The following REC114 variants were observed in gnomAD, a reference collection of about 807,000 sequenced individuals.
REC114 encodes the protein meiotic recombination protein REC114.
A neutral mutation model predicts 31.3 loss-of-function variants in REC114; 27 were observed. The ratio of observed to expected loss-of-function variants is 0.86; its 90% CI spans 0.64 to 1.19. The LOEUF (loss-of-function observed/expected upper bound fraction) is 1.19. REC114 is among the 50% of genes most tolerant of loss of function. The pLI is 0.00. For missense variants in REC114, 344 were observed against 326.9 expected (o/e 1.05, Z -0.40); for synonymous variants, 134 against 127.7 (o/e 1.05, Z -0.33).
At chr15:73,460,095 T>C (rs962540650) in intron 1 of REC114, among the ~76,000 whole-genome samples, 4 of 152,234 alleles carry the variant, frequency 2.6e-5, no homozygotes, top group Non-Finnish European at 5.9e-5. Flanking sequence ...TTCTAAAGCA[T>C]TAGTTTATAA....
chr15:73,551,740 A>C (rs560690919), intron 4 of REC114, among the ~76,000 whole-genome samples: 2 of 152,230 alleles, frequency 1.3e-5, no homozygotes, highest in Non-Finnish European at 2.9e-5. Flanking sequence ...ACAACAGACT[A>C]TGGTAATTCA....
chr15:73,445,277 CTCT>C (rs1892749899), intron 1 of REC114, among the ~76,000 whole-genome samples: 1 of 152,168 alleles, frequency 6.6e-6, no homozygotes, highest in African/African-American at 2.4e-5. Flanking sequence ...CCTAGATGGC[CTCT>C]TCTTCTAAGA....
intron 5 of REC114, among the ~76,000 whole-genome samples, chr15:73,558,185 TAAACA>T (rs1383367497): frequency 6.6e-6 from 1 of 152,114 alleles, no homozygotes; most frequent in African/African-American, 2.4e-5. Flanking sequence ...TCTCTAAAAA[TAAACA>T]AAACAAGTGC....
rs537770481 is a variant in REC114, at chr15:73,465,664, C to G, written c.160-8168C>G. Reference sequence around the variant, plus strand: ...AGAATGAATATTTTTTTAACATCTTCTTCCCCTGAATGATAAAATTATTTT... The same window carrying G: ...AGAATGAATATTTTTTTAACATCTTGTTCCCCTGAATGATAAAATTATTTT... On this transcript the variant is annotated intron_variant, in intron 1 of 5. Coordinates refer to ENST00000331090, the MANE Select transcript of REC114 (RefSeq NM_001042367.2). Among the ~76,000 whole-genome samples, 6 of 152,190 alleles carry G rather than the reference C, an allele frequency of 3.9e-5. No homozygotes were observed. In the South Asian group the frequency reaches 1.2e-3, roughly 32 times the overall value.
chr15:73,465,255 G>A (rs1893041656), intron 1 of REC114, among the ~76,000 whole-genome samples: 1 of 152,188 alleles, frequency 6.6e-6, no homozygotes, highest in African/African-American at 2.4e-5. Flanking sequence ...TTTGGAAAGA[G>A]AAGACTTCAG....
In REC114 at chr15:73,550,930, T is replaced by G; in HGVS notation, c.334-8T>G. On this transcript the variant is annotated splice_polypyrimidine_tract_variant and splice_region_variant and intron_variant, in intron 3 of 5. Transcript: ENST00000331090. ...GTCTCTCATGATAACTTTTGATTTGTCAAACAGGACAAGAGTCGCCTGTTT... is the reference window on the plus strand; with the variant it reads ...GTCTCTCATGATAACTTTTGATTTGGCAAACAGGACAAGAGTCGCCTGTTT... The G allele has an allele frequency of 2.5e-6, 4 of 1,613,530 alleles. No homozygotes were observed. Among genetic ancestry groups the G allele is most frequent in the Non-Finnish European group, 3.4e-6 (4 of 1,179,544 alleles).
At chr15:73,524,874 C>T (rs916658375) in intron 2 of REC114, among the ~76,000 whole-genome samples, 1 of 152,230 alleles carries the variant, frequency 6.6e-6, no homozygotes, top group African/African-American at 2.4e-5. Flanking sequence ...TCTGGGATTA[C>T]AGGCATGAGC....
intron 5 of REC114, among the ~76,000 whole-genome samples, chr15:73,557,429 A>G (rs143647245): frequency 0.032 from 4,796 of 151,408 alleles, 256 homozygotes; most frequent in African/African-American, 0.1. Flanking sequence ...AAAAAAAAAA[A>G]AAAAGAAAAA....
chr15:73,522,405 C>A (rs1893948617), intron 2 of REC114, among the ~76,000 whole-genome samples: 1 of 152,204 alleles, frequency 6.6e-6, no homozygotes, highest in African/African-American at 2.4e-5. Flanking sequence ...CTACCACCAC[C>A]ACAATCAATA....
At chr15:73,471,852 GCAA>G (rs1893137527) in intron 1 of REC114, among the ~76,000 whole-genome samples, 1 of 152,064 alleles carries the variant, frequency 6.6e-6, no homozygotes, top group Non-Finnish European at 1.5e-5. Context: ...GAATACACAT[GCAA>G]CAACATTGAT....
chr15:73,555,977 G>A (rs1894460947), intron 4 of REC114, among the ~76,000 whole-genome samples: 1 of 152,168 alleles, frequency 6.6e-6, no homozygotes, highest in Admixed American at 6.5e-5. Context: ...CCACCCTCCA[G>A]CACCTGGTCC....
intron 2 of REC114, among the ~76,000 whole-genome samples, chr15:73,507,328 A>G (rs778040059): frequency 6.6e-6 from 1 of 152,222 alleles, no homozygotes; most frequent in Non-Finnish European, 1.5e-5. Context: ...AAAGCAGCCT[A>G]ACACAAATTT....
intron 1 of REC114, among the ~76,000 whole-genome samples, chr15:73,453,487 G>T (rs1210151522): frequency 6.6e-6 from 1 of 152,178 alleles, no homozygotes; most frequent in Non-Finnish European, 1.5e-5. Context: ...TGGAGAGGAT[G>T]TGGAGAAATA....
intron 1 of REC114, among the ~76,000 whole-genome samples, chr15:73,461,954 C>CAGAG (rs1223877673): frequency 1.9e-5 from 2 of 104,918 alleles, no homozygotes; most frequent in East Asian, 6.1e-4. Context: ...TTTTTAAAGA[C>CAGAG]AGAGTCTTAC....
intron 2 of REC114, among the ~76,000 whole-genome samples, chr15:73,532,740 T>C (rs2141325665): frequency 6.6e-6 from 1 of 152,226 alleles, no homozygotes; most frequent in East Asian, 1.9e-4. Context: ...ATTGTCAGAT[T>C]CACCAAAGTT....
At chr15:73,530,551 G>A (rs1894064702) in intron 2 of REC114, among the ~76,000 whole-genome samples, 1 of 152,156 alleles carries the variant, frequency 6.6e-6, no homozygotes, top group Non-Finnish European at 1.5e-5. Flanking sequence ...AGGAGGCTGA[G>A]GTGGGAGGAC....
chr15:73,454,749 T>A (rs1892894582), intron 1 of REC114, among the ~76,000 whole-genome samples: 1 of 152,206 alleles, frequency 6.6e-6, no homozygotes, highest in Non-Finnish European at 1.5e-5. Flanking sequence ...TTGAGACTGC[T>A]CCACAGGTTC....
At chr15:73,531,751 C>T (rs181546958) in intron 2 of REC114, among the ~76,000 whole-genome samples, 2 of 152,260 alleles carry the variant, frequency 1.3e-5, no homozygotes, top group Admixed American at 1.3e-4. Context: ...GTAGAAGCAA[C>T]AGCCAGCCAT....
At chr15:73,475,557 TA>T (rs1240114410) in intron 2 of REC114, among the ~76,000 whole-genome samples, 2 of 152,204 alleles carry the variant, frequency 1.3e-5, no homozygotes, top group African/African-American at 4.8e-5. Flanking sequence ...AATGTAAAAC[TA>T]GAAAAAATAT....
Sources: allele counts gnomAD v4.1 joint callset (sites outside exome capture counted in the v4.1 genomes callset), GRCh38; gene constraint gnomAD v4.1.1; transcripts MANE v1.5; gene names NCBI Gene and HGNC (gene_info 2026-07-23, HGNC 2026-07-21).